Variants in B3GALT1 observed in about 807,000 individuals in gnomAD.
B3GALT1 encodes beta-1,3-galactosyltransferase 1.
In B3GALT1, 10 loss-of-function variants were observed where a neutral mutation model predicts 23.2. That is an observed-to-expected ratio of 0.43 (90% CI 0.27 to 0.73). The LOEUF (loss-of-function observed/expected upper bound fraction) is 0.73, where lower values mean the gene tolerates loss of function less well. Among genes scored for constraint, B3GALT1 ranks in the 30% least tolerant of loss-of-function variants. B3GALT1 has a pLI of 0.21. For synonymous variants in B3GALT1, 156 were observed against 141.5 expected (o/e 1.10, Z -0.73); for missense variants, 299 against 405.4 (o/e 0.74, Z 2.25).
chr2:167,383,132 G>T (rs78111308), intron 1 of B3GALT1, among the ~76,000 whole-genome samples: 4,862 of 150,324 alleles, frequency 0.032, 249 homozygotes, highest in African/African-American at 0.11. Context: ...ATTTAATTTT[G>T]TTTTAAAGTT....
intron 3 of B3GALT1, among the ~76,000 whole-genome samples, chr2:167,791,262 G>A (rs959041742): frequency 5.3e-5 from 8 of 152,132 alleles, no homozygotes; most frequent in African/African-American, 1.9e-4. Context: ...GATTCAGGCA[G>A]CTTTGACCAG....
chr2:167,789,750 T>G (rs1178801091), intron 3 of B3GALT1, among the ~76,000 whole-genome samples: 2 of 152,056 alleles, frequency 1.3e-5, no homozygotes, highest in Admixed American at 6.5e-5. Context: ...CCTTTCCTCC[T>G]TTCCTCCCCT....
intron 2 of B3GALT1, among the ~76,000 whole-genome samples, chr2:167,524,019 A>G (rs1487719097): frequency 6.6e-6 from 1 of 152,152 alleles, no homozygotes; most frequent in Non-Finnish European, 1.5e-5. Context: ...TTTTCTTGAT[A>G]TAGGATGTGG....
intron 3 of B3GALT1, among the ~76,000 whole-genome samples, chr2:167,755,290 G>A (rs1687798228): frequency 6.6e-6 from 1 of 151,912 alleles, no homozygotes; most frequent in Non-Finnish European, 1.5e-5. Context: ...AAGGAGAGGA[G>A]GAGAGAAAGA....
chr2:167,387,490 A>C (rs2105280228), intron 1 of B3GALT1, among the ~76,000 whole-genome samples: 1 of 152,284 alleles, frequency 6.6e-6, no homozygotes, highest in East Asian at 1.9e-4. Flanking sequence ...TATTTGTGCC[A>C]AAAAAGACTG....
chr2:167,414,773 T>C (rs749198037), intron 1 of B3GALT1, among the ~76,000 whole-genome samples: 17 of 152,182 alleles, frequency 1.1e-4, no homozygotes, highest in Non-Finnish European at 2.5e-4. Flanking sequence ...TGCAGTAATA[T>C]GGATTCATTC....
At chr2:167,343,700 T>C (rs1195467006) in intron 1 of B3GALT1, among the ~76,000 whole-genome samples, 3 of 152,184 alleles carry the variant, frequency 2.0e-5, no homozygotes, top group Non-Finnish European at 4.4e-5. Context: ...TTTCTTTATG[T>C]TTTTATTAGT....
chr2:167,831,160 TAAC>T (rs1267638890), intron 4 of B3GALT1, among the ~76,000 whole-genome samples: 40 of 152,364 alleles, frequency 2.6e-4, no homozygotes. Context: ...TTCCCATGCT[TAAC>T]AACTGCTGTC....
intron 2 of B3GALT1, among the ~76,000 whole-genome samples, chr2:167,497,396 G>A (rs1699796550): frequency 6.6e-6 from 1 of 152,096 alleles, no homozygotes; most frequent in South Asian, 2.1e-4. Flanking sequence ...ACTCCAAAGT[G>A]GGAATATGCC....
At chr2:167,406,882 T>C (rs1698287305) in intron 1 of B3GALT1, among the ~76,000 whole-genome samples, 1 of 152,180 alleles carries the variant, frequency 6.6e-6, no homozygotes, top group Non-Finnish European at 1.5e-5. Context: ...CATTCAGGAC[T>C]GACAGTACTT....
intron 4 of B3GALT1, among the ~76,000 whole-genome samples, chr2:167,840,891 T>C (rs1689631869): frequency 1.4e-5 from 2 of 145,086 alleles, no homozygotes; most frequent in Non-Finnish European, 3.0e-5. Flanking sequence ...ATGGATGAAA[T>C]TGGAAATCAT....
chr2:167,616,586 C>T (rs1685166290), intron 2 of B3GALT1, among the ~76,000 whole-genome samples: 1 of 151,910 alleles, frequency 6.6e-6, no homozygotes, highest in African/African-American at 2.4e-5. Flanking sequence ...TCTGTAATCC[C>T]ATCCACTCAG....
chr2:167,763,277 T>C (rs928489359), intron 3 of B3GALT1, among the ~76,000 whole-genome samples: 11 of 152,188 alleles, frequency 7.2e-5, no homozygotes, highest in Admixed American at 7.2e-4. Context: ...AAAGTAAAGA[T>C]CAGAGAAACT....
At chr2:167,679,107 TG>T (rs1240329348) in intron 3 of B3GALT1, among the ~76,000 whole-genome samples, 23 of 141,834 alleles carry the variant, frequency 1.6e-4, no homozygotes, top group East Asian at 1.0e-3. Context: ...TTTTTGTTTT[TG>T]TTTTTTTGTT....
At chr2:167,497,248 C>A (rs1699794603) in intron 2 of B3GALT1, among the ~76,000 whole-genome samples, 1 of 144,744 alleles carries the variant, frequency 6.9e-6, no homozygotes, top group Admixed American at 7.1e-5. Context: ...GGGGGATGGG[C>A]AACGGTTACA....
At chr2:167,549,801 T>G (rs1242073098) in intron 2 of B3GALT1, among the ~76,000 whole-genome samples, 1 of 152,224 alleles carries the variant, frequency 6.6e-6, no homozygotes, top group African/African-American at 2.4e-5. Flanking sequence ...ACCATTAAAG[T>G]CATGTAATTT....
chr2:167,766,656 A>G (rs1427300656), intron 3 of B3GALT1, among the ~76,000 whole-genome samples: 1 of 152,158 alleles, frequency 6.6e-6, no homozygotes, highest in Non-Finnish European at 1.5e-5. Flanking sequence ...CATGACTATA[A>G]AGTGGAATGC....
intron 3 of B3GALT1, among the ~76,000 whole-genome samples, chr2:167,757,942 C>T (rs1051119416): frequency 2.0e-5 from 3 of 152,176 alleles, no homozygotes; most frequent in Non-Finnish European, 2.9e-5. Context: ...TTGTCCCTCA[C>T]TCTAATATTA....
chr2:167,366,619 C>T (rs1697591823), intron 1 of B3GALT1, among the ~76,000 whole-genome samples: 1 of 152,116 alleles, frequency 6.6e-6, no homozygotes, highest in Non-Finnish European at 1.5e-5. Flanking sequence ...AACGTAGTGG[C>T]CTAGAACAAC....
Sources: allele counts gnomAD v4.1 joint callset (sites outside exome capture counted in the v4.1 genomes callset), GRCh38; gene constraint gnomAD v4.1.1; transcripts MANE v1.5; gene names NCBI Gene and HGNC (gene_info 2026-07-23, HGNC 2026-07-21).